The following CARD10 variants were observed in gnomAD, a reference collection of about 807,000 sequenced individuals.
CARD10 encodes the protein caspase recruitment domain family member 10.
In CARD10, 49 loss-of-function variants were observed where a neutral mutation model predicts 114.6. The observed-to-expected ratio is 0.43, with a 90% CI of 0.34 to 0.54. The LOEUF (loss-of-function observed/expected upper bound fraction) is 0.54, where lower values mean the gene tolerates loss of function less well. Among genes scored for constraint, CARD10 ranks in the 20% least tolerant of loss-of-function variants. The pLI, the probability that CARD10 is intolerant of heterozygous loss-of-function variation, is 0.03. For synonymous variants in CARD10, 602 were observed against 593.2 expected, an observed-to-expected ratio of 1.01 and a Z score of -0.21; for missense variants, 1,206 against 1,397.2, an observed-to-expected ratio of 0.86 and a Z score of 2.18.
chr22:37,500,320 G>A (rs1315328564), intron 11 of CARD10, among the ~76,000 whole-genome samples: 5 of 152,180 alleles, frequency 3.3e-5, no homozygotes, highest in South Asian at 2.1e-4. Context: ...CTGGGGCCAC[G>A]TGAGCGAGCT....
chr22:37,501,316 G>GC lies in CARD10; in HGVS notation c.1787+1285dup, dbSNP rs1230915555. Among the ~76,000 whole-genome samples, 5 of 152,244 alleles carry GC rather than the reference G, an allele frequency of 3.3e-5. No homozygotes were observed. In the East Asian group the frequency reaches 5.8e-4, roughly 18 times the overall value. Reference sequence around the variant, plus strand: ...TCCTGCTCCCTGGCTGCATCCTGGCGCCCCCTGGACAACAGCCAGGACCCC... The same window carrying GC: ...TCCTGCTCCCTGGCTGCATCCTGGCGCCCCCCTGGACAACAGCCAGGACCCC... On this transcript the variant is annotated intron_variant, in intron 11 of 19. Transcript: ENST00000251973. This position sits in a 1 kb window ranked among gnomAD's most constrained non-coding sequence, Gnocchi z 5.4.
chr22:37,510,463 G>A, intron 3 of CARD10, 42 bp from the exon 4 acceptor site: 1 of 1,578,538 alleles, frequency 6.3e-7, no homozygotes, highest in Non-Finnish European at 8.7e-7. Context: ...GAGACACACT[G>A]GGAGCCACGG....
chr22:37,508,691 C>T lies in CARD10; in HGVS notation c.910-9G>A. The T allele has an allele frequency of 6.5e-7, 1 of 1,548,180 alleles. No homozygotes were observed. The highest frequency in any genetic ancestry group is 8.7e-7 in the Non-Finnish European group (1 of 1,151,332). On this transcript the variant is annotated splice_polypyrimidine_tract_variant and intron_variant, in intron 4 of 19. Coordinates refer to ENST00000251973, the MANE Select transcript of CARD10 (RefSeq NM_014550.4). The stretch of plus-strand genomic sequence containing the variant: ...CCCGGCCGGCTCGCCTCCTGGGGAT[C>T]ACAGGGCAGGGCCACCTCAGGGTCT...
chr22:37,504,039 G>A lies in CARD10; in HGVS notation c.1634+147C>T, dbSNP rs367627918. ...TCGCCCCTGTGACTCACAGGACCTG[G>A]GTTTCCAGAGCTCCAGCCATCTGAG... On this transcript the variant is annotated intron_variant, in intron 9 of 19. Coordinates refer to ENST00000251973, the MANE Select transcript of CARD10 (RefSeq NM_014550.4). 8.3e-5 allele frequency: 61 copies of A among 733,744 alleles called. No homozygotes were observed. In the African/African-American group the frequency reaches 9.4e-4, roughly 11 times the overall value. The allele number at this position is 733,744 out of a possible 1,614,324, so 45.5% of individuals were successfully genotyped here. A position where few individuals can be genotyped will look rare whatever the true frequency, so the allele number is the denominator to read the frequency against.
Position 37,491,368 on chromosome 22 carries a change from G to T in CARD10, c.2890C>A (p.Arg964=). The change falls in exon 20 of 20, where the codon CGG becomes AGG. Residue 964 remains arginine, a synonymous_variant. Transcript: ENST00000251973. ...CACTGCCGCAGCAGCTCTGAGTCCC[G>T]CCAGCCCGGCCGGCCCAGCAGACCC... The part of the protein sequence containing the change: ...VRGLLGRPGW[R]DSELLRQCRG... The T allele has an allele frequency of 1.3e-6, 2 of 1,506,546 alleles. No individual in the cohort carries two copies. Among genetic ancestry groups the T allele is most frequent in the Non-Finnish European group, 1.8e-6 (2 of 1,128,740 alleles). 93.3% of individuals were successfully genotyped at this position (1,506,546 alleles called of 1,614,324 possible). A position where few individuals can be genotyped will look rare whatever the true frequency, so the allele number is the denominator to read the frequency against.
intron 4 of CARD10, chr22:37,508,931 G>A: frequency 1.4e-6 from 2 of 1,469,868 alleles, no homozygotes; most frequent in Non-Finnish European, 9.3e-7. Context: ...GTGGAGAAGG[G>A]TGTGACTGGA....
At position 37,509,223 on chromosome 22, in the gene CARD10, G is replaced by A. The variant is rs1485314637; in HGVS notation, c.910-541C>T. 24 of 1,296,628 alleles carry A rather than the reference G, an allele frequency of 1.9e-5. No homozygotes were observed. The East Asian group carries it at 3.7e-4, about 20-fold the overall frequency. 80.3% of individuals were successfully genotyped at this position (1,296,628 alleles called of 1,614,324 possible). On this transcript the variant is annotated intron_variant, in intron 4 of 19. Coordinates refer to ENST00000251973, the MANE Select transcript of CARD10 (RefSeq NM_014550.4). ...AACAATGGCCAGGAGGCAGGCCCAT[G>A]CAGCTGCTGACCTGCCACTGACCTG...
At chr22:37,504,982 A>G (rs369980047) in intron 7 of CARD10, among the ~76,000 whole-genome samples, 129 of 152,338 alleles carry the variant, frequency 8.5e-4, no homozygotes, top group African/African-American at 2.9e-3. Flanking sequence ...TGCCCAGGGC[A>G]TGGAAAACAC....
rs1451596951 is a variant in CARD10 at position 37,519,236 on chromosome 22, C to G, written c.-36G>C. 3 of 1,473,026 alleles carry G rather than the reference C, an allele frequency of 2.0e-6. No homozygotes were observed. Among genetic ancestry groups the G allele is most frequent in the Non-Finnish European group, 2.7e-6 (3 of 1,113,864 alleles). 91.2% of individuals were successfully genotyped at this position (1,473,026 alleles called of 1,614,324 possible). A position where few individuals can be genotyped will look rare whatever the true frequency, so the allele number is the denominator to read the frequency against. On this transcript the variant is annotated 5_prime_UTR_variant, in exon 1 of 20. Transcript: ENST00000251973. The surrounding 1 kb of genome is among the most constrained non-coding windows in gnomAD (Gnocchi z 4.1). ...TCAGGGTCTGCGGGCAAGAGGCGCA[C>G]GGGGGTCGACCAGGGCTCCCTAGGG...
chr22:37,513,013 C>T (rs1052471427), intron 3 of CARD10, among the ~76,000 whole-genome samples: 48 of 152,202 alleles, frequency 3.2e-4, no homozygotes, highest in African/African-American at 1.2e-3. Flanking sequence ...TGTTCAGATC[C>T]ATCTGCAACA....
rs1214392328 is a variant in CARD10, at chr22:37,504,308, T to C, written c.1519-7A>G. 1.3e-6 allele frequency: 2 copies of C among 1,512,720 alleles called. No homozygotes were observed. The highest frequency in any genetic ancestry group is 1.8e-6 in the Non-Finnish European group (2 of 1,122,080). 93.7% of individuals were successfully genotyped at this position (1,512,720 alleles called of 1,614,324 possible). ...CACTGTCTGTGGCTTCCTCCTGCAA[T>C]GCCATGACAGGGCCTGGGTCACCCC... On this transcript the variant is annotated splice_polypyrimidine_tract_variant and splice_region_variant and intron_variant, in intron 8 of 19. Coordinates refer to ENST00000251973, the MANE Select transcript of CARD10 (RefSeq NM_014550.4).
Position 37,507,972 on chromosome 22 carries a change from C to T in CARD10, c.1066-18G>A, listed in dbSNP as rs763005192. 7.6e-5 allele frequency: 123 copies of T among 1,613,520 alleles called. 4 individuals are homozygous for T. The South Asian group carries it at 1.2e-3, about 15-fold the overall frequency. ...TGCAGGTACTGAGGGTGGCACGGGGCGGGGTCAGACCACAGGGCTGGGGAC... is the reference window on the plus strand; with the variant it reads ...TGCAGGTACTGAGGGTGGCACGGGGTGGGGTCAGACCACAGGGCTGGGGAC... On this transcript the variant is annotated intron_variant, in intron 5 of 19. Transcript: ENST00000251973.
Position 37,492,948 on chromosome 22 carries a change from G to C in CARD10, c.2477-146C>G. 2 of 807,406 alleles carry C rather than the reference G, an allele frequency of 2.5e-6. No individual in the cohort carries two copies. The highest frequency in any genetic ancestry group is 2.7e-5 in the Admixed American group (1 of 36,498). The allele number at this position is 807,406 out of a possible 1,614,324, so 50.0% of individuals were successfully genotyped here. A position where few individuals can be genotyped will look rare whatever the true frequency, so the allele number is the denominator to read the frequency against. ...ACACATGCACACACACACACCCTTA[G>C]TAGGACCGACGGTGGCAGTAGGCTC... is the stretch of plus-strand genomic sequence containing the variant. On this transcript the variant is annotated intron_variant, in intron 16 of 19. Coordinates refer to ENST00000251973, the MANE Select transcript of CARD10 (RefSeq NM_014550.4). This position sits in a 1 kb window ranked among gnomAD's most constrained non-coding sequence, Gnocchi z 5.7.
intron 9 of CARD10, 138 bp downstream of exon 9, chr22:37,504,048 A>C (rs1923315134): frequency 1.3e-6 from 1 of 746,802 alleles, no homozygotes; most frequent in East Asian, 2.7e-5. Flanking sequence ...GGGTTTCCAG[A>C]GCTCCAGCCA....
Position 37,496,494 on chromosome 22 carries a change from G to C in CARD10, c.2014C>G (p.Leu672Val). The change falls in exon 13 of 20, where the codon CTC (leucine) becomes GTC (valine). Residue 672 changes from leucine (L) to valine (V), a missense_variant. Leu to Val is a conservative substitution (Grantham distance 32). Around this residue, in one of 2 missense-constraint regions of CARD10, gnomAD observed 1,068 missense variants for 1,179.1 expected, o/e 0.91. Transcript: ENST00000251973. This position sits in a 1 kb window ranked among gnomAD's most constrained non-coding sequence, Gnocchi z 4.1. ...GGGAGTGTGGACCCCTGATTCCAGA[G>C]CAAGGTTCTCTGCTGGGCCTCGGCT... is the stretch of plus-strand genomic sequence containing the variant. The part of the protein sequence containing the change: ...LEAEAQQRTL[L>V]WNQGSTLPSL... The C allele has an allele frequency of 6.2e-7, 1 of 1,613,840 alleles. No individual in the cohort carries two copies. The highest frequency in any genetic ancestry group is 8.5e-7 in the Non-Finnish European group (1 of 1,179,890).
chr22:37,495,548 G>A lies in CARD10; in HGVS notation c.2342C>T (p.Pro781Leu). 4 of 1,613,266 alleles carry A rather than the reference G, an allele frequency of 2.5e-6. No homozygotes were observed. Among genetic ancestry groups the A allele is most frequent in the Non-Finnish European group, 3.4e-6 (4 of 1,179,844 alleles). The change falls in exon 15 of 20, where the codon CCC (proline) becomes CTC (leucine). Residue 781 changes from proline to leucine, a missense_variant. Physicochemically the swap from Pro to Leu is moderately conservative, Grantham distance 98. Transcript: ENST00000251973. ...GCGGGGGCCTCGGTGCCGGCTGGAG[G>A]GCAGGCATTTCTCCTGAACTTCTAG... ...QLLEVQEKCLPSSRHRGPRSN... is the reference protein window; with the variant it reads ...QLLEVQEKCLLSSRHRGPRSN...
Position 37,508,652 on chromosome 22 carries a change from C to T in CARD10, c.940G>A (p.Glu314Lys), listed in dbSNP as rs748143318. 2.5e-6 allele frequency: 4 copies of T among 1,578,690 alleles called. No homozygotes were observed. Among genetic ancestry groups the T allele is most frequent in the Middle Eastern group, 1.7e-4 (1 of 5,960 alleles). Reference protein sequence around the residue: ...EASRPGAPGSERILLDILEHD... With the variant: ...EASRPGAPGSKRILLDILEHD... ...TCTAGGATGTCCAGCAGGATGCGCT[C>T]GGAGCCCGGGGCCCCCGGCCGGCTC... Residue 314 changes from glutamate (E) to lysine (K), a missense_variant, in exon 5 of 20, where the codon GAG becomes AAG. Around this residue, in one of 2 missense-constraint regions of CARD10, gnomAD observed 1,068 missense variants for 1,179.1 expected, o/e 0.91. Transcript: ENST00000251973.
intron 15 of CARD10, 38 bp downstream of exon 15, chr22:37,495,479 T>C (rs768707812): frequency 6.4e-6 from 10 of 1,571,870 alleles, no homozygotes; most frequent in Non-Finnish European, 8.6e-6. Flanking sequence ...ACCCCACCCT[T>C]GGGGCCCCCC....
chr22:37,493,677 C>T (rs1182827970), intron 16 of CARD10, among the ~76,000 whole-genome samples: 1 of 152,050 alleles, frequency 6.6e-6, no homozygotes, highest in Non-Finnish European at 1.5e-5. Context: ...AGATTTGCTA[C>T]TCCCTCATCT....
Sources: gnomAD v4.1 joint callset for allele counts (sites outside exome capture counted in the v4.1 genomes callset) on GRCh38, gnomAD v4.1.1 for gene constraint, gnomAD v4.1.1 regional missense constraint, Gnocchi (gnomAD v3.1) non-coding constraint, MANE v1.5 for transcripts, NCBI Gene and HGNC (gene_info 2026-07-23, HGNC 2026-07-21) for gene names.